The following ZNF407 variants were observed in gnomAD, a reference collection of about 807,000 sequenced individuals.
ZNF407 encodes zinc finger protein 407.
In ZNF407, 17 loss-of-function variants were observed where a neutral mutation model predicts 131.2. The observed-to-expected ratio is 0.13, with a 90% CI of 0.09 to 0.19. The LOEUF (loss-of-function observed/expected upper bound fraction) is 0.19, where lower values mean the gene tolerates loss of function less well. Among genes scored for constraint, ZNF407 ranks in the 10% least tolerant of loss-of-function variants. ZNF407 has a pLI of 1.00. For missense variants in ZNF407, 2,681 were observed against 2,830.6 expected, an observed-to-expected ratio of 0.95 and a Z score of 1.20; for synonymous variants, 1,156 against 1,062.0, an observed-to-expected ratio of 1.09 and a Z score of -1.72.
rs1445977756 is a variant in ZNF407, at chr18:74,634,074, T to C, written c.3055T>C (p.Cys1019Arg). ...RDVTGTGENKCLHCEFSAHSS... is the reference protein window; with the variant it reads ...RDVTGTGENKRLHCEFSAHSS... Reference sequence around the variant, plus strand: ...TGTTACAGGCACAGGTGAGAATAAGTGTTTGCACTGTGAGTTTAGTGCTCA... The same window carrying C: ...TGTTACAGGCACAGGTGAGAATAAGCGTTTGCACTGTGAGTTTAGTGCTCA... Residue 1019 changes from cysteine (C) to arginine (R), a missense_variant, in exon 2 of 9, where the codon TGT (cysteine) becomes CGT (arginine). Transcript: ENST00000299687. 1.2e-6 allele frequency: 2 copies of C among 1,613,904 alleles called. No homozygotes were observed. Among genetic ancestry groups the C allele is most frequent in the African/African-American group, 1.3e-5 (1 of 74,936 alleles).
At chr18:74,944,097 T>A (rs976880833) in intron 8 of ZNF407, among the ~76,000 whole-genome samples, 2 of 152,262 alleles carry the variant, frequency 1.3e-5, no homozygotes, top group East Asian at 3.9e-4. Context: ...TGTAGAAATG[T>A]GTTTAGTGTT....
chr18:74,988,366 G>A (rs1972678093), intron 8 of ZNF407, among the ~76,000 whole-genome samples: 1 of 151,884 alleles, frequency 6.6e-6, no homozygotes, highest in African/African-American at 2.4e-5. Flanking sequence ...TGGATAGGAT[G>A]TAAAAAGCAC....
In ZNF407 at chr18:74,740,481, A is replaced by G. The variant is rs529761398; in HGVS notation, c.4803-40947A>G. 2.0e-5 allele frequency among the ~76,000 whole-genome samples: 3 copies of G among 152,292 alleles called. No homozygotes were observed. In the South Asian group the frequency reaches 6.2e-4, roughly 32 times the overall value. ...CATTCAGCACAGTACATATGTGTACACATGTTACATCTGTCTGCCAACCAT... is the reference window on the plus strand; with the variant it reads ...CATTCAGCACAGTACATATGTGTACGCATGTTACATCTGTCTGCCAACCAT... On this transcript the variant is annotated intron_variant, in intron 3 of 8. Coordinates refer to ENST00000299687, the MANE Select transcript of ZNF407 (RefSeq NM_017757.3).
intron 1 of ZNF407, among the ~76,000 whole-genome samples, chr18:74,619,667 TAAGTA>T (rs1333499224): frequency 2.6e-5 from 4 of 152,184 alleles, no homozygotes; most frequent in Admixed American, 6.5e-5. Flanking sequence ...TAAACTAAAT[TAAGTA>T]AAGGATATAA....
intron 3 of ZNF407, among the ~76,000 whole-genome samples, chr18:74,647,891 G>T (rs1985046694): frequency 6.6e-6 from 1 of 152,128 alleles, no homozygotes. Context: ...TTTCTCACAG[G>T]AGGGTTATCT....
At chr18:74,871,640 A>T (rs1417827745) in intron 4 of ZNF407, among the ~76,000 whole-genome samples, 1 of 152,098 alleles carries the variant, frequency 6.6e-6, no homozygotes, top group Non-Finnish European at 1.5e-5. Context: ...CTCTTTTATT[A>T]AAATTTCATT....
At chr18:74,804,175 A>T in intron 4 of ZNF407, 1 of 1,404,690 alleles carries the variant, frequency 7.1e-7, no homozygotes, top group Non-Finnish European at 9.3e-7. Flanking sequence ...ACTTCTTTGC[A>T]TACTTGAATT....
At chr18:74,665,750 G>T (rs192713392) in intron 3 of ZNF407, among the ~76,000 whole-genome samples, 2 of 152,118 alleles carry the variant, frequency 1.3e-5, no homozygotes, top group African/African-American at 2.4e-5. Context: ...GAAGTGCGCC[G>T]TTCTACGCCT....
At chr18:74,658,139 G>T (rs969289245) in intron 3 of ZNF407, among the ~76,000 whole-genome samples, 4 of 151,322 alleles carry the variant, frequency 2.6e-5, no homozygotes, top group Non-Finnish European at 5.9e-5. Flanking sequence ...TTGAGACGGA[G>T]CCTCGCTCTG....
chr18:75,065,107 G>A lies in ZNF407; in HGVS notation c.*639G>A, dbSNP rs1219742597. The stretch of plus-strand genomic sequence containing the variant: ...ATCTTCAAACAGTTTAGGTGTATTT[G>A]TTGCTCTGGTCACATTCTGCATAAA... On this transcript the variant is annotated 3_prime_UTR_variant, in exon 9 of 9. Transcript: ENST00000299687. 1 of 152,266 alleles carries A rather than the reference G, an allele frequency of 6.6e-6. No individual in the cohort carries two copies. Among genetic ancestry groups the A allele is most frequent in the Non-Finnish European group, 1.5e-5 (1 of 67,994 alleles). 9.4% of individuals were successfully genotyped at this position (152,266 alleles called of 1,614,324 possible). A position where few individuals can be genotyped will look rare whatever the true frequency, so the allele number is the denominator to read the frequency against.
At chr18:74,744,375 C>G (rs1237013076) in intron 3 of ZNF407, among the ~76,000 whole-genome samples, 2 of 151,976 alleles carry the variant, frequency 1.3e-5, no homozygotes, top group Non-Finnish European at 2.9e-5. Flanking sequence ...TTTGTGCTAG[C>G]CTGGGTTTGC....
intron 3 of ZNF407, among the ~76,000 whole-genome samples, chr18:74,645,010 A>G (rs1322786024): frequency 1.3e-5 from 2 of 151,826 alleles, no homozygotes; most frequent in Non-Finnish European, 2.9e-5. Flanking sequence ...TTACTTTCAT[A>G]TTCTGATATT....
At chr18:74,674,030 T>C (rs1986257576) in intron 3 of ZNF407, among the ~76,000 whole-genome samples, 1 of 152,260 alleles carries the variant, frequency 6.6e-6, no homozygotes, top group Non-Finnish European at 1.5e-5. Context: ...CACATGGATT[T>C]AATGAAGAAC....
rs185683470 is a variant in ZNF407 at position 74,924,515 on chromosome 18, A to G, written c.5428+3823A>G. 5.2e-4 allele frequency among the ~76,000 whole-genome samples: 79 copies of G among 152,310 alleles called. 1 individual carries two copies. The highest frequency in any genetic ancestry group is 1.9e-3 in the South Asian group (9 of 4,832). ...TAAAATCTATTTCATCTCAAAAATT[A>G]TCTTGATTTGATCTCTTCAGTTTTA... On this transcript the variant is annotated intron_variant, in intron 8 of 8. Coordinates refer to ENST00000299687, the MANE Select transcript of ZNF407 (RefSeq NM_017757.3).
chr18:74,715,326 AG>A (rs1160210186), intron 3 of ZNF407, among the ~76,000 whole-genome samples: 2 of 152,244 alleles, frequency 1.3e-5, no homozygotes, highest in African/African-American at 4.8e-5. Context: ...TAAAGAAATC[AG>A]TTCACATATT....
intron 8 of ZNF407, among the ~76,000 whole-genome samples, chr18:75,057,988 C>A (rs1324396412): frequency 6.6e-6 from 1 of 152,036 alleles, no homozygotes; most frequent in East Asian, 1.9e-4. Flanking sequence ...GGTATTTATT[C>A]TGTGGGAACA....
chr18:74,817,013 G>A (rs1466444954), intron 4 of ZNF407, among the ~76,000 whole-genome samples: 2 of 151,968 alleles, frequency 1.3e-5, no homozygotes, highest in Admixed American at 1.3e-4. Context: ...TTATAATTAG[G>A]GTTGATTTTT....
At chr18:75,032,986 T>A (rs1973261784) in intron 8 of ZNF407, among the ~76,000 whole-genome samples, 1 of 122,506 alleles carries the variant, frequency 8.2e-6, no homozygotes, top group Non-Finnish European at 1.6e-5. Flanking sequence ...GAAGATAGTA[T>A]TAGATAACTG....
chr18:74,785,779 C>T (rs570743149), intron 4 of ZNF407, among the ~76,000 whole-genome samples: 1 of 143,424 alleles, frequency 7.0e-6, no homozygotes, highest in Admixed American at 6.7e-5. Flanking sequence ...TCACATGGCA[C>T]ACACATGTCA....
Sources: gnomAD v4.1 joint callset for allele counts (sites outside exome capture counted in the v4.1 genomes callset) on GRCh38, gnomAD v4.1.1 for gene constraint, MANE v1.5 for transcripts, NCBI Gene and HGNC (gene_info 2026-07-23, HGNC 2026-07-21) for gene names.